FBXW8: variants seen among roughly 807,000 people sequenced by gnomAD.
FBXW8 encodes the protein F-box and WD repeat domain containing 8.
A neutral mutation model predicts 65.3 loss-of-function variants in FBXW8; 57 were observed. The observed-to-expected ratio is 0.87, with a 90% CI of 0.71 to 1.09. The LOEUF is 1.09. Among genes scored for constraint, FBXW8 ranks in the 50% least tolerant of loss-of-function variants. The pLI is 0.00. For missense variants in FBXW8, 777 were observed against 814.8 expected, an observed-to-expected ratio of 0.95 and a Z score of 0.57; for synonymous variants, 308 against 330.2, an observed-to-expected ratio of 0.93 and a Z score of 0.73.
chr12:116,938,661 C>CA (rs768992692), intron 2 of FBXW8, among the ~76,000 whole-genome samples: 57 of 152,330 alleles, frequency 3.7e-4, no homozygotes, highest in Admixed American at 1.5e-3. Flanking sequence ...GCACAGTCCT[C>CA]ATGAAAACTC....
At chr12:117,003,432 T>G (rs1427716814) in intron 7 of FBXW8, among the ~76,000 whole-genome samples, 1 of 152,242 alleles carries the variant, frequency 6.6e-6, no homozygotes, top group Non-Finnish European at 1.5e-5. Context: ...TTTGACTGGT[T>G]GGAATAAAGA....
At chr12:116,993,229 G>A (rs900276516) in intron 7 of FBXW8, among the ~76,000 whole-genome samples, 4 of 144,914 alleles carry the variant, frequency 2.8e-5, no homozygotes, top group African/African-American at 1.0e-4. Context: ...TTAGCCTCCC[G>A]AGTAGCTGGG....
chr12:116,933,189 A>G (rs1001278506), intron 2 of FBXW8, among the ~76,000 whole-genome samples: 2 of 152,254 alleles, frequency 1.3e-5, no homozygotes, highest in Non-Finnish European at 2.9e-5. Flanking sequence ...AAATGAGGCC[A>G]ATTCCTGGAT....
chr12:116,999,981 A>ATTTTTTTT (rs71099027), intron 7 of FBXW8, among the ~76,000 whole-genome samples: 1 of 128,800 alleles, frequency 7.8e-6, no homozygotes, highest in African/African-American at 2.9e-5. Context: ...TCTGCATCTC[A>ATTTTTTTT]TTTTTTTTTT....
chr12:116,960,904 G>A (rs1279199305), intron 4 of FBXW8, among the ~76,000 whole-genome samples: 2 of 152,206 alleles, frequency 1.3e-5, no homozygotes, highest in Admixed American at 1.3e-4. Flanking sequence ...GCTTCAAGGA[G>A]GGGAGGGGAG....
chr12:116,970,481 G>A (rs373301900), intron 5 of FBXW8, among the ~76,000 whole-genome samples: 1 of 152,244 alleles, frequency 6.6e-6, no homozygotes, highest in East Asian at 1.9e-4. Flanking sequence ...ATTTACTGAC[G>A]TATCAACAAT....
At chr12:116,933,573 G>T (rs575765848) in intron 2 of FBXW8, among the ~76,000 whole-genome samples, 5 of 152,288 alleles carry the variant, frequency 3.3e-5, no homozygotes, top group African/African-American at 1.2e-4. Context: ...TTCCCTCTAT[G>T]GCCAGTTGGA....
rs957196396 is a variant in FBXW8 at position 116,910,978 on chromosome 12, G to C, written c.-60G>C. The C allele has an allele frequency of 1.1e-5, 14 of 1,317,158 alleles. No homozygotes were observed. The highest frequency in any genetic ancestry group is 1.4e-5 in the Non-Finnish European group (14 of 1,035,110). The allele number at this position is 1,317,158 out of a possible 1,614,324, so 81.6% of individuals were successfully genotyped here. On this transcript the variant is annotated 5_prime_UTR_variant, in exon 1 of 11. Transcript: ENST00000652555. ...GCCGCGGCGGACACTTCCCTGGGCG[G>C]GACTGTCTCGTGGCACCCGGTGGAA...
At chr12:117,022,909 A>G (rs1292854811) in intron 8 of FBXW8, among the ~76,000 whole-genome samples, 2 of 152,168 alleles carry the variant, frequency 1.3e-5, no homozygotes, top group African/African-American at 4.8e-5. Context: ...CTTCTTGTTA[A>G]TAGGAAGGTT....
Position 116,946,569 on chromosome 12 carries a change from G to T in FBXW8, c.588+1041G>T, listed in dbSNP as rs538081569. ...ACAACTAGAAATGCCCCTAGACATT[G>T]CTGGATGTCCCCTGGGAATCAAAAT... is the stretch of plus-strand genomic sequence containing the variant. On this transcript the variant is annotated intron_variant, in intron 3 of 10. Coordinates refer to ENST00000652555, the MANE Select transcript of FBXW8 (RefSeq NM_153348.3). Among the ~76,000 whole-genome samples, 3 of 152,224 alleles carry T rather than the reference G, an allele frequency of 2.0e-5. No homozygotes were observed. In the East Asian group the frequency reaches 5.8e-4, roughly 29 times the overall value.
At chr12:117,002,292 C>T (rs545529321) in intron 7 of FBXW8, among the ~76,000 whole-genome samples, 1 of 152,340 alleles carries the variant, frequency 6.6e-6, no homozygotes, top group South Asian at 2.1e-4. Flanking sequence ...CAACACCGTC[C>T]CATCCCTGAA....
At chr12:117,026,422 C>A (rs562137665) in intron 9 of FBXW8, among the ~76,000 whole-genome samples, 1 of 152,166 alleles carries the variant, frequency 6.6e-6, no homozygotes, top group South Asian at 2.1e-4. Flanking sequence ...CCTCCCTTCC[C>A]GGGTCTTTCT....
At chr12:117,005,233 C>G (rs1369904364) in intron 7 of FBXW8, among the ~76,000 whole-genome samples, 2 of 152,178 alleles carry the variant, frequency 1.3e-5, no homozygotes, top group East Asian at 1.9e-4. Flanking sequence ...ATCTGAGTAT[C>G]TTTGGGGTCT....
chr12:116,926,559 G>C (rs1199092238), intron 1 of FBXW8, among the ~76,000 whole-genome samples: 4 of 152,138 alleles, frequency 2.6e-5, no homozygotes, highest in African/African-American at 4.8e-5. Context: ...TGTGGGAGGG[G>C]ATGGAGCCTG....
chr12:116,951,999 T>A (rs1185131374), intron 4 of FBXW8, among the ~76,000 whole-genome samples: 1 of 152,230 alleles, frequency 6.6e-6, no homozygotes, highest in East Asian at 1.9e-4. Context: ...TACAAATAAT[T>A]TCTAGTTAAC....
intron 4 of FBXW8, chr12:116,950,128 A>G (rs955013176): frequency 1.2e-5 from 2 of 162,130 alleles, no homozygotes; most frequent in African/African-American, 4.8e-5. Context: ...GCCACACATA[A>G]TCTTCCTTCC....
chr12:116,914,856 CAA>C (rs931595170), intron 1 of FBXW8, among the ~76,000 whole-genome samples: 3 of 152,162 alleles, frequency 2.0e-5, no homozygotes, highest in African/African-American at 7.2e-5. Flanking sequence ...GTCTGGGCAA[CAA>C]GAGCAAAATT....
Position 117,024,137 on chromosome 12 carries a change from G to T in FBXW8, c.1368-10G>T. ...CATTTCCCTTCTCTGCTCTTCCTGGGCCTGTCCAGGGTGAGGATCCACGAC... is the reference window on the plus strand; with the variant it reads ...CATTTCCCTTCTCTGCTCTTCCTGGTCCTGTCCAGGGTGAGGATCCACGAC... On this transcript the variant is annotated splice_polypyrimidine_tract_variant and intron_variant, in intron 8 of 10. Coordinates refer to ENST00000652555, the MANE Select transcript of FBXW8 (RefSeq NM_153348.3). The T allele has an allele frequency of 6.2e-7, 1 of 1,611,978 alleles. No individual in the cohort carries two copies. The highest frequency in any genetic ancestry group is 2.2e-5 in the East Asian group (1 of 44,820).
At chr12:116,941,394 G>A (rs939490299) in intron 2 of FBXW8, among the ~76,000 whole-genome samples, 10 of 152,208 alleles carry the variant, frequency 6.6e-5, no homozygotes, top group African/African-American at 2.2e-4. Context: ...TATGCCACGT[G>A]ATCTAACTTC....
Sources: allele counts gnomAD v4.1 joint callset (sites outside exome capture counted in the v4.1 genomes callset), GRCh38; gene constraint gnomAD v4.1.1; transcripts MANE v1.5; gene names NCBI Gene and HGNC (gene_info 2026-07-23, HGNC 2026-07-21).